ST6GALNAC3: variants seen among roughly 807,000 people sequenced by gnomAD.
The protein encoded by ST6GALNAC3 is ST6 N-acetylgalactosaminide alpha-2,6-sialyltransferase 3.
Under a neutral mutation model 32.7 loss-of-function variants are expected in ST6GALNAC3, and 25 were observed. The observed-to-expected ratio is 0.76, with a 90% CI of 0.56 to 1.07. The LOEUF is 1.07. Ranked by LOEUF, ST6GALNAC3 falls within the 50% of genes least tolerant of loss-of-function variation. The pLI, the probability that ST6GALNAC3 is intolerant of heterozygous loss-of-function variation, is 0.00. For missense variants in ST6GALNAC3, 355 were observed against 382.4 expected, an observed-to-expected ratio of 0.93 and a Z score of 0.60; for synonymous variants, 129 against 133.1, an observed-to-expected ratio of 0.97 and a Z score of 0.21.
intron 1 of ST6GALNAC3, among the ~76,000 whole-genome samples, chr1:76,164,933 G>A (rs188914937): frequency 6.6e-6 from 1 of 152,232 alleles, no homozygotes; most frequent in Admixed American, 6.5e-5. Flanking sequence ...GGACTAAAAT[G>A]TGTGTGTGTG....
chr1:76,517,546 T>G (rs937168687), intron 3 of ST6GALNAC3, among the ~76,000 whole-genome samples: 15 of 151,942 alleles, frequency 9.9e-5, no homozygotes, highest in African/African-American at 3.4e-4. Flanking sequence ...AATTTAAACC[T>G]TTTAAAGGCT....
chr1:76,635,580 T>C (rs1649484919), downstream of ST6GALNAC3, among the ~76,000 whole-genome samples: 1 of 152,158 alleles, frequency 6.6e-6, no homozygotes, highest in Non-Finnish European at 1.5e-5. Context: ...TCCATACCTA[T>C]CTGGGGAAGG....
intron 3 of ST6GALNAC3, among the ~76,000 whole-genome samples, chr1:76,526,935 A>T (rs1027090764): frequency 2.6e-5 from 4 of 152,084 alleles, no homozygotes; most frequent in African/African-American, 7.2e-5. Context: ...CTTAATCTTA[A>T]TACTTTCCAT....
At chr1:76,576,699 A>G (rs1017789402) in intron 3 of ST6GALNAC3, 7 of 506,440 alleles carry the variant, frequency 1.4e-5, no homozygotes, top group Admixed American at 1.4e-4. Context: ...ATGTCAGAAA[A>G]AATGCCAGAG....
At position 76,188,129 on chromosome 1, in the gene ST6GALNAC3, C is replaced by T. The variant is rs189156995; in HGVS notation, c.18+113245C>T. ...CTGTAAGCCCAGCACTTTGGGAGGC[C>T]GAGGTGGGTGGATCACGAGGTCAGG... On this transcript the variant is annotated intron_variant, in intron 1 of 4. Transcript: ENST00000328299. Among the ~76,000 whole-genome samples the T allele has an allele frequency of 7.5e-4, 114 of 152,142 alleles. 5 individuals are homozygous for T. The highest frequency in any genetic ancestry group is 2.6e-3 in the African/African-American group (108 of 41,504).
At chr1:76,211,898 C>T (rs1328472808) in intron 1 of ST6GALNAC3, among the ~76,000 whole-genome samples, 1 of 151,942 alleles carries the variant, frequency 6.6e-6, no homozygotes, top group African/African-American at 2.4e-5. Flanking sequence ...AACAAACCTG[C>T]ACATTGTGCA....
At chr1:76,431,100 T>G (rs1159989164) in intron 3 of ST6GALNAC3, among the ~76,000 whole-genome samples, 1 of 152,158 alleles carries the variant, frequency 6.6e-6, no homozygotes, top group African/African-American at 2.4e-5. Flanking sequence ...CCCCTCCTCT[T>G]GCTGAGAACA....
intron 3 of ST6GALNAC3, among the ~76,000 whole-genome samples, chr1:76,502,359 G>A (rs1661225164): frequency 6.6e-6 from 1 of 152,150 alleles, no homozygotes; most frequent in African/African-American, 2.4e-5. Flanking sequence ...TGCTAGGGTT[G>A]CCAAAGAAAA....
intron 3 of ST6GALNAC3, among the ~76,000 whole-genome samples, chr1:76,521,029 A>C (rs1157013223): frequency 6.6e-6 from 1 of 151,918 alleles, no homozygotes; most frequent in Non-Finnish European, 1.5e-5. Context: ...GTGATTTGTC[A>C]TTCAATAGTT....
chr1:76,590,562 G>A (rs1647031578), intron 3 of ST6GALNAC3, among the ~76,000 whole-genome samples: 1 of 152,190 alleles, frequency 6.6e-6, no homozygotes, highest in African/African-American at 2.4e-5. Flanking sequence ...AATCAGAGCT[G>A]AGAGAGCAAA....
rs145621363 is a variant in ST6GALNAC3 at position 76,342,882 on chromosome 1, T to A, written c.213+28883T>A. On this transcript the variant is annotated intron_variant, in intron 2 of 4. Transcript: ENST00000328299. ...CACTTGTATGTCTTGTTTTGAGAAGTGTCTGTTCAGTTTCTTTGCCCACTT... is the reference window on the plus strand; with the variant it reads ...CACTTGTATGTCTTGTTTTGAGAAGAGTCTGTTCAGTTTCTTTGCCCACTT... Among the ~76,000 whole-genome samples, 813 of 152,286 alleles carry A rather than the reference T, an allele frequency of 5.3e-3. 15 individuals are homozygous for A. The highest frequency in any genetic ancestry group is 0.019 in the African/African-American group (777 of 41,554).
intron 3 of ST6GALNAC3, among the ~76,000 whole-genome samples, chr1:76,444,035 C>T (rs1656798524): frequency 6.6e-6 from 1 of 152,196 alleles, no homozygotes; most frequent in Non-Finnish European, 1.5e-5. Flanking sequence ...TCTTACTTCT[C>T]ACAGAATTAG....
intron 3 of ST6GALNAC3, among the ~76,000 whole-genome samples, chr1:76,518,643 T>G (rs538864800): frequency 1.2e-4 from 19 of 152,278 alleles, no homozygotes; most frequent in African/African-American, 4.1e-4. Context: ...TCTCAGTAAT[T>G]TTTCATTTTC....
intron 1 of ST6GALNAC3, among the ~76,000 whole-genome samples, chr1:76,144,681 C>A (rs1298481678): frequency 1.3e-5 from 2 of 152,192 alleles, no homozygotes; most frequent in African/African-American, 4.8e-5. Flanking sequence ...AATACTCTCC[C>A]CGCTTCCCCT....
chr1:76,393,325 G>C (rs1257785629), intron 2 of ST6GALNAC3, among the ~76,000 whole-genome samples: 1 of 152,154 alleles, frequency 6.6e-6, no homozygotes, highest in African/African-American at 2.4e-5. Flanking sequence ...CTTCAGAAAA[G>C]ATCATGATTC....
At chr1:76,450,480 A>G (rs1333837417) in intron 3 of ST6GALNAC3, among the ~76,000 whole-genome samples, 1 of 152,094 alleles carries the variant, frequency 6.6e-6, no homozygotes, top group East Asian at 1.9e-4. Context: ...CCTTTGTCAG[A>G]TGTATAGATT....
intron 2 of ST6GALNAC3, among the ~76,000 whole-genome samples, chr1:76,340,899 G>C (rs1328700939): frequency 6.6e-6 from 1 of 151,914 alleles, no homozygotes; most frequent in Non-Finnish European, 1.5e-5. Context: ...ACCAAGGCAA[G>C]GTCACAGATA....
chr1:76,563,824 C>A (rs1570283806), intron 3 of ST6GALNAC3, among the ~76,000 whole-genome samples: 2 of 152,136 alleles, frequency 1.3e-5, no homozygotes, highest in South Asian at 4.1e-4. Context: ...TATGAGAGTG[C>A]TCAGTGTAGG....
chr1:76,348,695 A>T (rs1308303059), intron 2 of ST6GALNAC3, among the ~76,000 whole-genome samples: 5 of 152,204 alleles, frequency 3.3e-5, no homozygotes, highest in Non-Finnish European at 1.5e-5. Flanking sequence ...TTGCAGTTCC[A>T]AAACCTCCTG....
Sources: gnomAD v4.1 joint callset for allele counts (sites outside exome capture counted in the v4.1 genomes callset) on GRCh38, gnomAD v4.1.1 for gene constraint, MANE v1.5 for transcripts, NCBI Gene and HGNC (gene_info 2026-07-23, HGNC 2026-07-21) for gene names.